RBFOX1: variants seen among roughly 807,000 people sequenced by gnomAD.
The protein encoded by RBFOX1 is RNA binding fox-1 homolog 1.
A neutral mutation model predicts 57.7 loss-of-function variants in RBFOX1; 8 were observed. The observed-to-expected ratio is 0.14, with a 90% CI of 0.08 to 0.25. RBFOX1 has a LOEUF of 0.25. RBFOX1 is among the 10% of genes least tolerant of loss of function. The pLI, the probability that RBFOX1 is intolerant of heterozygous loss-of-function variation, is 1.00. For synonymous variants in RBFOX1, 326 were observed against 222.4 expected (o/e 1.47, Z -4.15); for missense variants, 611 against 548.5 (o/e 1.11, Z -1.14).
intron 14 of RBFOX1, among the ~76,000 whole-genome samples, chr16:7,703,077 G>C (rs2081293913): frequency 6.6e-6 from 1 of 151,704 alleles, no homozygotes; most frequent in African/African-American, 2.4e-5. Context: ...GCTAGACCAT[G>C]GCTCTCTAAA....
intron 2 of RBFOX1, among the ~76,000 whole-genome samples, chr16:5,575,569 A>G (rs1309597414): frequency 1.3e-5 from 2 of 152,210 alleles, no homozygotes; most frequent in African/African-American, 2.4e-5. Context: ...ACCTGACGGA[A>G]GTGAACACAC....
chr16:6,171,853 G>A (rs58580159), intron 1 of RBFOX1, among the ~76,000 whole-genome samples: 15 of 142,772 alleles, frequency 1.1e-4, no homozygotes, highest in Non-Finnish European at 2.0e-4. Context: ...ACAGAGTCTC[G>A]CTCTGTCACC....
At chr16:7,123,496 C>G (rs1332119062) in intron 4 of RBFOX1, among the ~76,000 whole-genome samples, 3 of 152,064 alleles carry the variant, frequency 2.0e-5, no homozygotes, top group Non-Finnish European at 2.9e-5. Context: ...TCCTGAGTAG[C>G]TGAGACTACA....
chr16:6,715,498 A>G (rs2064618650), intron 3 of RBFOX1, among the ~76,000 whole-genome samples: 1 of 152,170 alleles, frequency 6.6e-6, no homozygotes, highest in Non-Finnish European at 1.5e-5. Flanking sequence ...ATCTATAAGG[A>G]GCTTTGTGTC....
At chr16:7,033,229 C>A (rs1597547794) in intron 3 of RBFOX1, among the ~76,000 whole-genome samples, 1 of 152,118 alleles carries the variant, frequency 6.6e-6, no homozygotes, top group Non-Finnish European at 1.5e-5. Flanking sequence ...CCTTAAAAGT[C>A]CAAAAACAGG....
chr16:6,004,621 A>G (rs142421853), intron 4 of RBFOX1, among the ~76,000 whole-genome samples: 9 of 152,302 alleles, frequency 5.9e-5, no homozygotes, highest in African/African-American at 2.2e-4. Context: ...CTCTCAAAAT[A>G]ATGGAAGCCT....
intron 1 of RBFOX1, among the ~76,000 whole-genome samples, chr16:6,282,443 A>T (rs978676557): frequency 2.7e-5 from 4 of 149,764 alleles, no homozygotes; most frequent in Admixed American, 6.7e-5. Context: ...ACAGATAAAC[A>T]TGTGCCATGG....
chr16:6,466,904 G>C (rs7195593), intron 2 of RBFOX1, among the ~76,000 whole-genome samples: 4,281 of 152,024 alleles, frequency 0.028, 185 homozygotes, highest in African/African-American at 0.089. Flanking sequence ...TTTTCTCTCT[G>C]TGTCAATCTT....
intron 4 of RBFOX1, among the ~76,000 whole-genome samples, chr16:7,323,071 G>T (rs1438405216): frequency 6.6e-6 from 1 of 152,146 alleles, no homozygotes; most frequent in African/African-American, 2.4e-5. Context: ...TGGGATGGTT[G>T]AGATTGACTA....
chr16:7,504,352 A>G (rs1028465936), intron 4 of RBFOX1, among the ~76,000 whole-genome samples: 2 of 152,046 alleles, frequency 1.3e-5, no homozygotes, highest in South Asian at 2.1e-4. Context: ...TAACACTATC[A>G]TCATTAACGT....
At chr16:6,578,643 G>C (rs1474940948) in intron 2 of RBFOX1, among the ~76,000 whole-genome samples, 1 of 140,382 alleles carries the variant, frequency 7.1e-6, no homozygotes, top group East Asian at 2.2e-4. Context: ...GACATAGGAA[G>C]AGACAAAAAT....
intron 2 of RBFOX1, among the ~76,000 whole-genome samples, chr16:6,422,229 CTT>C (rs771957311): frequency 0.013 from 1,816 of 142,278 alleles, 37 homozygotes; most frequent in African/African-American, 0.042. Flanking sequence ...ACCACCTCTC[CTT>C]TTTTTTTTTT....
intron 4 of RBFOX1, among the ~76,000 whole-genome samples, chr16:7,390,075 C>T (rs989786791): frequency 5.3e-5 from 8 of 152,106 alleles, no homozygotes; most frequent in Admixed American, 3.3e-4. Flanking sequence ...ACATGGCCAG[C>T]AGGAGAGAGG....
intron 4 of RBFOX1, among the ~76,000 whole-genome samples, chr16:7,300,690 G>T (rs1555683418): frequency 6.6e-6 from 1 of 151,680 alleles, no homozygotes; most frequent in Non-Finnish European, 1.5e-5. Flanking sequence ...AATGAGAAAA[G>T]AAAAAAATGG....
intron 2 of RBFOX1, among the ~76,000 whole-genome samples, chr16:5,571,612 T>C (rs4786715): frequency 0.9 from 136,252 of 152,174 alleles, 61,102 homozygotes; most frequent in East Asian, 1. Flanking sequence ...TGCAGTCACT[T>C]CCTGGCGCCA....
At chr16:5,306,833 C>A (rs1281593169) in intron 1 of RBFOX1, among the ~76,000 whole-genome samples, 1 of 152,158 alleles carries the variant, frequency 6.6e-6, no homozygotes, top group Non-Finnish European at 1.5e-5. Context: ...ACAGCTGGAT[C>A]AGAACAAGTT....
At chr16:6,978,839 C>G (rs190091646) in intron 3 of RBFOX1, among the ~76,000 whole-genome samples, 1 of 152,276 alleles carries the variant, frequency 6.6e-6, no homozygotes, top group Admixed American at 6.5e-5. Flanking sequence ...TGCCTTCAAT[C>G]CCCTTCGCGC....
chr16:6,884,540 G>A (rs953522135), intron 3 of RBFOX1, among the ~76,000 whole-genome samples: 2 of 152,188 alleles, frequency 1.3e-5, no homozygotes, highest in South Asian at 2.1e-4. Flanking sequence ...TACATCATCT[G>A]TTACATTATC....
intron 3 of RBFOX1, among the ~76,000 whole-genome samples, chr16:6,770,651 C>A (rs958188595): frequency 6.6e-6 from 1 of 152,078 alleles, no homozygotes; most frequent in African/African-American, 2.4e-5. Context: ...GCTGCAGAGC[C>A]TTCCTGGGAG....
Sources: allele counts gnomAD v4.1 joint callset (sites outside exome capture counted in the v4.1 genomes callset), GRCh38; gene constraint gnomAD v4.1.1; transcripts MANE v1.5; gene names NCBI Gene and HGNC (gene_info 2026-07-23, HGNC 2026-07-21).